Variants in KALRN observed in about 807,000 individuals in gnomAD.
The protein encoded by KALRN is kalirin.
In KALRN, 70 loss-of-function variants were observed where a neutral mutation model predicts 353.7. That is an observed-to-expected ratio of 0.20 (90% confidence interval 0.16 to 0.24). The LOEUF (loss-of-function observed/expected upper bound fraction) is 0.24, where lower values mean the gene tolerates loss of function less well. Among genes scored for constraint, KALRN ranks in the 10% least tolerant of loss-of-function variants. The pLI, the probability that KALRN is intolerant of heterozygous loss-of-function variation, is 1.00. For missense variants in KALRN, 2,791 were observed against 3,756.7 expected, an observed-to-expected ratio of 0.74 and a Z score of 6.72; for synonymous variants, 1,391 against 1,434.8, an observed-to-expected ratio of 0.97 and a Z score of 0.69.
chr3:124,656,361 A>G (rs909789813), intron 39 of KALRN, among the ~76,000 whole-genome samples: 1 of 152,252 alleles, frequency 6.6e-6, no homozygotes, highest in African/African-American at 2.4e-5. Flanking sequence ...CTGTAATCCC[A>G]GCACTTTGGG....
intron 1 of KALRN, among the ~76,000 whole-genome samples, chr3:124,173,514 T>A (rs1179709004): frequency 6.6e-6 from 1 of 152,220 alleles, no homozygotes; most frequent in Non-Finnish European, 1.5e-5. Context: ...ATCATTGTAT[T>A]GAAGTTTCCT....
intron 37 of KALRN, among the ~76,000 whole-genome samples, chr3:124,642,971 C>T (rs935273040): frequency 1.3e-5 from 2 of 151,874 alleles, no homozygotes; most frequent in Non-Finnish European, 2.9e-5. Context: ...GCATGCGCCA[C>T]CACACCAAGC....
At chr3:124,099,332 C>T (rs920395768) in intron 1 of KALRN, 2 of 152,194 alleles carry the variant, frequency 1.3e-5, no homozygotes, top group African/African-American at 4.8e-5. Flanking sequence ...CTGTACCTGG[C>T]TTATTTCACT....
rs188919586 is a variant in KALRN at position 124,619,015 on chromosome 3, A to G, written c.5183-13405A>G. Among the ~76,000 whole-genome samples, 476 of 152,306 alleles carry G rather than the reference A, an allele frequency of 3.1e-3. 2 individuals carry two copies. Among genetic ancestry groups the G allele is most frequent in the Non-Finnish European group, 4.7e-3 (320 of 68,028 alleles). On this transcript the variant is annotated intron_variant, in intron 34 of 59. Coordinates refer to ENST00000682506, the MANE Select transcript of KALRN (RefSeq NM_001388419.1). ...TATATGACATGATGTTATAGGATAC[A>G]TATAAATAGTTATCTGCTACTTTGT...
intron 57 of KALRN, among the ~76,000 whole-genome samples, chr3:124,706,127 G>A (rs763826608): frequency 3.3e-5 from 5 of 152,020 alleles, no homozygotes; most frequent in East Asian, 1.9e-4. Flanking sequence ...GGTTGGTCTC[G>A]AATTCCCAGT....
chr3:124,348,160 G>A (rs1200764705), intron 10 of KALRN, among the ~76,000 whole-genome samples: 1 of 151,832 alleles, frequency 6.6e-6, no homozygotes, highest in Admixed American at 6.6e-5. Flanking sequence ...GAGTAAGGCA[G>A]GGAGGGTGCC....
Position 124,462,562 on chromosome 3 carries a change from C to G in KALRN, c.3960C>G (p.Ile1320Met). Residue 1320 changes from isoleucine to methionine, a missense_variant, in exon 25 of 60, where the codon ATC becomes ATG. Around this residue, in one of 11 missense-constraint regions of KALRN, gnomAD observed 268 missense variants for 347.0 expected, o/e 0.77. Coordinates refer to ENST00000682506, the MANE Select transcript of KALRN (RefSeq NM_001388419.1). ...LWEMTSGVEE[I>M]PPGILNKEHI... is the part of the protein sequence containing the mutation. ...AAATGACCAGTGGTGTGGAGGAGAT[C>G]CCCCCTGGGATCCTCAATAAAGAGC... 6.2e-7 allele frequency: 1 copy of G among 1,610,398 alleles called. No individual in the cohort carries two copies. The highest frequency in any genetic ancestry group is 8.5e-7 in the Non-Finnish European group (1 of 1,176,788).
At chr3:124,649,964 A>AT (rs2083228685) in intron 37 of KALRN, among the ~76,000 whole-genome samples, 1 of 110,482 alleles carries the variant, frequency 9.1e-6, no homozygotes, top group African/African-American at 4.2e-5. Flanking sequence ...TCTCTAAAAT[A>AT]AAATAATAAT....
At chr3:124,373,466 C>T (rs569984163) in intron 10 of KALRN, among the ~76,000 whole-genome samples, 20 of 152,312 alleles carry the variant, frequency 1.3e-4, no homozygotes, top group South Asian at 2.1e-4. Flanking sequence ...TACCACAATC[C>T]GCACAGATTA....
At chr3:124,458,109 C>G (rs1243425927) in intron 23 of KALRN, among the ~76,000 whole-genome samples, 1 of 151,962 alleles carries the variant, frequency 6.6e-6, no homozygotes, top group Non-Finnish European at 1.5e-5. Flanking sequence ...AACCCCGTCT[C>G]TACTAAAAAT....
At chr3:124,110,690 C>G (rs1345469223) in intron 1 of KALRN, among the ~76,000 whole-genome samples, 5 of 152,134 alleles carry the variant, frequency 3.3e-5, no homozygotes, top group Non-Finnish European at 7.4e-5. Context: ...ACCACCAGTC[C>G]AGTTCTACCT....
chr3:124,440,048 A>AT (rs1008770327), intron 18 of KALRN, among the ~76,000 whole-genome samples: 3 of 151,188 alleles, frequency 2.0e-5, no homozygotes, highest in Admixed American at 1.3e-4. Flanking sequence ...CTTAATTTTT[A>AT]TTTTTTTTAA....
intron 10 of KALRN, among the ~76,000 whole-genome samples, chr3:124,347,622 T>A (rs1161422039): frequency 6.6e-6 from 1 of 152,142 alleles, no homozygotes; most frequent in Non-Finnish European, 1.5e-5. Flanking sequence ...GAGGTGGTGC[T>A]GGCAGGAGGG....
chr3:124,447,494 C>G (rs995270278), intron 21 of KALRN, among the ~76,000 whole-genome samples: 1 of 152,132 alleles, frequency 6.6e-6, no homozygotes. Context: ...TTTTCACAGC[C>G]AGGATTTGAT....
chr3:124,490,545 G>T (rs2063042880), intron 29 of KALRN, 149 bp from the exon 30 acceptor site: 1 of 638,686 alleles, frequency 1.6e-6, no homozygotes. Flanking sequence ...GAAGTGTTCA[G>T]CAGTCTCTGG....
At chr3:124,341,297 G>T (rs926493740) in intron 9 of KALRN, among the ~76,000 whole-genome samples, 3 of 152,212 alleles carry the variant, frequency 2.0e-5, no homozygotes, top group African/African-American at 7.2e-5. Flanking sequence ...GCTCACCTGC[G>T]TTGTTATCCC....
intron 33 of KALRN, among the ~76,000 whole-genome samples, chr3:124,544,263 A>G (rs2069373736): frequency 1.3e-5 from 2 of 152,162 alleles, no homozygotes; most frequent in East Asian, 1.9e-4. Flanking sequence ...TTTCCCTTCA[A>G]TACTTATCAC....
At chr3:124,551,097 T>C (rs2070475431) in intron 33 of KALRN, among the ~76,000 whole-genome samples, 1 of 152,116 alleles carries the variant, frequency 6.6e-6, no homozygotes, top group Non-Finnish European at 1.5e-5. Context: ...GTCATGATGG[T>C]TGGTATCCAG....
intron 3 of KALRN, among the ~76,000 whole-genome samples, chr3:124,256,371 G>T (rs2071982262): frequency 6.6e-6 from 1 of 152,188 alleles, no homozygotes; most frequent in South Asian, 2.1e-4. Flanking sequence ...GTGTGAAACA[G>T]AGCTGGGATA....
Sources: gnomAD v4.1 joint callset for allele counts (sites outside exome capture counted in the v4.1 genomes callset) on GRCh38, gnomAD v4.1.1 for gene constraint, gnomAD v4.1.1 regional missense constraint, MANE v1.5 for transcripts, NCBI Gene and HGNC (gene_info 2026-07-23, HGNC 2026-07-21) for gene names.